The following MGAT4C variants were observed in gnomAD, a reference collection of about 807,000 sequenced individuals.
The protein encoded by MGAT4C is alpha-1,3-mannosyl-glycoprotein 4-beta-N-acetylglucosaminyltransferase C.
MGAT4C carries 19 observed loss-of-function variants against 40.1 expected under a neutral mutation model. The ratio of observed to expected loss-of-function variants is 0.47; its 90% confidence interval spans 0.33 to 0.70. The LOEUF is 0.70. MGAT4C is among the 30% of genes least tolerant of loss of function. The pLI is 0.02. For missense variants in MGAT4C, 491 were observed against 563.2 expected (o/e 0.87, Z 1.30); for synonymous variants, 181 against 187.1 (o/e 0.97, Z 0.27).
chr12:86,796,430 G>A (rs1188407364), intron 1 of MGAT4C, among the ~76,000 whole-genome samples: 1 of 151,910 alleles, frequency 6.6e-6, no homozygotes, highest in African/African-American at 2.4e-5. Flanking sequence ...GGATGAACCT[G>A]GAGGACATTA....
chr12:86,358,921 G>C (rs1488116809), intron 3 of MGAT4C, among the ~76,000 whole-genome samples: 1 of 152,144 alleles, frequency 6.6e-6, no homozygotes, highest in Non-Finnish European at 1.5e-5. Context: ...AGATCAACAA[G>C]ACAGAAAGTT....
intron 1 of MGAT4C, among the ~76,000 whole-genome samples, chr12:86,053,352 A>G (rs1306639586): frequency 6.6e-6 from 1 of 151,754 alleles, no homozygotes; most frequent in Non-Finnish European, 1.5e-5. Context: ...GTTGGGCATG[A>G]CTTGCCTTAG....
rs983824159 is a variant in MGAT4C, at chr12:86,468,294, T to C, written c.-228-33029A>G. ...CAAACCTTTTCAAATCATTTTTTTTTCCTTTCCTTTTCACCTTACTACACA... is the reference window on the plus strand; with the variant it reads ...CAAACCTTTTCAAATCATTTTTTTTCCCTTTCCTTTTCACCTTACTACACA... On this transcript the variant is annotated intron_variant, in intron 2 of 7. Coordinates refer to the MGAT4C transcript ENST00000548651. Among the ~76,000 whole-genome samples the C allele has an allele frequency of 9.2e-5, 14 of 152,244 alleles. No individual in the cohort carries two copies. In the South Asian group the frequency reaches 2.1e-3, roughly 23 times the overall value.
intron 1 of MGAT4C, among the ~76,000 whole-genome samples, chr12:86,211,570 G>A (rs12227321): frequency 2.0e-5 from 3 of 151,930 alleles, no homozygotes; most frequent in Admixed American, 6.6e-5. Context: ...CTGGGTGACA[G>A]AGGGAGACTC....
chr12:86,671,354 A>C (rs1355332641), intron 2 of MGAT4C, among the ~76,000 whole-genome samples: 1 of 152,344 alleles, frequency 6.6e-6, no homozygotes, highest in East Asian at 1.9e-4. Flanking sequence ...GAAAAGGGTT[A>C]AAGGCAGCTA....
chr12:86,652,850 T>C (rs1481391151), intron 2 of MGAT4C, among the ~76,000 whole-genome samples: 1 of 151,892 alleles, frequency 6.6e-6, no homozygotes, highest in African/African-American at 2.4e-5. Flanking sequence ...CCTTCATATT[T>C]TTTATTCCTA....
chr12:86,184,763 A>C (rs1359559816), intron 1 of MGAT4C, among the ~76,000 whole-genome samples: 2 of 146,820 alleles, frequency 1.4e-5, no homozygotes, highest in Non-Finnish European at 3.0e-5. Context: ...AAAAAAAAAA[A>C]ACTATGGGAG....
chr12:86,492,174 A>T (rs1201236792), intron 2 of MGAT4C, among the ~76,000 whole-genome samples: 1 of 152,220 alleles, frequency 6.6e-6, no homozygotes, highest in Non-Finnish European at 1.5e-5. Context: ...AGAACATTCC[A>T]TGCTCCTGGG....
chr12:86,486,241 GCC>G (rs1317172446), intron 2 of MGAT4C, among the ~76,000 whole-genome samples: 1 of 151,948 alleles, frequency 6.6e-6, no homozygotes, highest in East Asian at 1.9e-4. Flanking sequence ...TGGTCTAATT[GCC>G]CCACTTAAAG....
At chr12:86,137,401 C>G (rs541668613) in intron 1 of MGAT4C, among the ~76,000 whole-genome samples, 1 of 152,294 alleles carries the variant, frequency 6.6e-6, no homozygotes, top group East Asian at 1.9e-4. Flanking sequence ...CCTCATCTGT[C>G]CTTCTACTGA....
At chr12:86,132,364 CT>C (rs11427959) in intron 1 of MGAT4C, among the ~76,000 whole-genome samples, 56 of 151,070 alleles carry the variant, frequency 3.7e-4, no homozygotes, top group Admixed American at 7.9e-4. Flanking sequence ...AGACGATTCT[CT>C]TTTTTTTTGC....
At chr12:86,586,914 C>A (rs1194689129) in intron 2 of MGAT4C, among the ~76,000 whole-genome samples, 1 of 152,042 alleles carries the variant, frequency 6.6e-6, no homozygotes, top group Non-Finnish European at 1.5e-5. Flanking sequence ...CCTGTTCACT[C>A]TGAGGGTAGT....
At chr12:86,233,560 C>A (rs61949041) in intron 1 of MGAT4C, among the ~76,000 whole-genome samples, 11,152 of 152,100 alleles carry the variant, frequency 0.073, 570 homozygotes, top group Middle Eastern at 0.22. Flanking sequence ...TTGGTGAATT[C>A]CAGGACAATT....
At chr12:86,170,837 G>A (rs1429206550) in intron 1 of MGAT4C, among the ~76,000 whole-genome samples, 1 of 151,932 alleles carries the variant, frequency 6.6e-6, no homozygotes, top group South Asian at 2.1e-4. Context: ...CCTGGAGTCC[G>A]AGCTACTAGA....
At chr12:86,017,913 A>T (rs1227284358) in intron 2 of MGAT4C, among the ~76,000 whole-genome samples, 1 of 152,180 alleles carries the variant, frequency 6.6e-6, no homozygotes, top group Non-Finnish European at 1.5e-5. Context: ...TTGGGAAGAT[A>T]GTGTGTGGGA....
rs1034618026 is a variant in MGAT4C at position 85,969,940 on chromosome 12, C to T, written c.*9349G>A. The T allele has an allele frequency of 6.6e-6, 1 of 151,302 alleles. No homozygotes were observed. Among genetic ancestry groups the T allele is most frequent in the Non-Finnish European group, 1.5e-5 (1 of 67,454 alleles). The allele number at this position is 151,302 out of a possible 1,614,324, so 9.4% of individuals were successfully genotyped here. On this transcript the variant is annotated 3_prime_UTR_variant, in exon 5 of 5. Transcript: ENST00000611864. ...ATCTTCACACAGTGTCTCATAGTTG[C>T]TTGGAACATATTTATGTAGTAAGCA...
chr12:86,809,127 C>T (rs1952421387), intron 1 of MGAT4C, among the ~76,000 whole-genome samples: 1 of 151,950 alleles, frequency 6.6e-6, no homozygotes, highest in Non-Finnish European at 1.5e-5. Context: ...TCAAGGAAAT[C>T]AAAGAGGACA....
chr12:86,489,178 G>C (rs568546576), intron 2 of MGAT4C, among the ~76,000 whole-genome samples: 8 of 152,276 alleles, frequency 5.3e-5, no homozygotes, highest in African/African-American at 1.9e-4. Context: ...CTTAACTTCA[G>C]AGACAGTGGC....
At chr12:86,198,147 C>A (rs1182347512) in intron 1 of MGAT4C, among the ~76,000 whole-genome samples, 2 of 152,124 alleles carry the variant, frequency 1.3e-5, no homozygotes, top group African/African-American at 4.8e-5. Context: ...TTTAAATATG[C>A]AGTCTCAAAA....
Sources: allele counts gnomAD v4.1 joint callset (sites outside exome capture counted in the v4.1 genomes callset), GRCh38; gene constraint gnomAD v4.1.1; transcripts MANE v1.5; gene names NCBI Gene and HGNC (gene_info 2026-07-23, HGNC 2026-07-21).